RGCC: variants seen among roughly 807,000 people sequenced by gnomAD.
RGCC encodes regulator of cell cycle.
A neutral mutation model predicts 15.4 loss-of-function variants in RGCC; 15 were observed. The ratio of observed to expected loss-of-function variants is 0.97; its 90% confidence interval spans 0.65 to 1.50. RGCC has a LOEUF of 1.50. RGCC is among the 40% of genes most tolerant of loss of function. RGCC has a pLI of 0.00. For missense variants in RGCC, 176 were observed against 189.7 expected (o/e 0.93, Z 0.42); for synonymous variants, 81 against 78.0 (o/e 1.04, Z -0.20).
At chr13:41,469,292 TAATAAG>T (rs1283194440) in intron 4 of RGCC, among the ~76,000 whole-genome samples, 6,572 of 81,574 alleles carry the variant, frequency 0.081, 154 homozygotes, top group Non-Finnish European at 0.11. Context: ...ATAATAATAA[TAATAAG>T]AAGAAGAAGA....
chr13:41,465,121 A>T lies in RGCC; in HGVS notation c.236-1702A>T, dbSNP rs1210529913. On this transcript the variant is annotated intron_variant, in intron 2 of 4. Coordinates refer to ENST00000379359, the MANE Select transcript of RGCC (RefSeq NM_014059.3). ...ACTTAGGCAAATTCCTTTTCAGTTAATGGGACCAAAGAGAGATGTTTTTGC... is the reference window on the plus strand; with the variant it reads ...ACTTAGGCAAATTCCTTTTCAGTTATTGGGACCAAAGAGAGATGTTTTTGC... Among the ~76,000 whole-genome samples, 4 of 152,148 alleles carry T rather than the reference A, an allele frequency of 2.6e-5. No individual in the cohort carries two copies. In the East Asian group the frequency reaches 5.8e-4, roughly 22 times the overall value.
chr13:41,469,450 A>C (rs2043865668), intron 4 of RGCC, among the ~76,000 whole-genome samples: 1 of 152,090 alleles, frequency 6.6e-6, no homozygotes, highest in African/African-American at 2.4e-5. Flanking sequence ...TTGTTTGAGA[A>C]ATGGAGAGCG....
intron 3 of RGCC, among the ~76,000 whole-genome samples, chr13:41,468,083 CA>C (rs2043857538): frequency 6.6e-6 from 1 of 152,158 alleles, no homozygotes; most frequent in African/African-American, 2.4e-5. Context: ...TAGAGAGAAC[CA>C]AATCAGAATG....
At chr13:41,466,014 C>G (rs77513966) in intron 2 of RGCC, among the ~76,000 whole-genome samples, 6,434 of 152,120 alleles carry the variant, frequency 0.042, 159 homozygotes, top group South Asian at 0.098. Flanking sequence ...CCTATCACCC[C>G]CTTCCTGTAT....
chr13:41,463,036 C>T (rs764525649), intron 2 of RGCC, among the ~76,000 whole-genome samples: 1 of 152,192 alleles, frequency 6.6e-6, no homozygotes, highest in Non-Finnish European at 1.5e-5. Context: ...GAGTGCTATT[C>T]TGCACTTTGC....
chr13:41,468,428 C>T (rs2043858668), intron 3 of RGCC, among the ~76,000 whole-genome samples: 1 of 152,204 alleles, frequency 6.6e-6, no homozygotes, highest in African/African-American at 2.4e-5. Context: ...CTCCTGCAAA[C>T]ATTTAAGACA....
chr13:41,470,575 A>G lies in RGCC; in HGVS notation c.*90A>G. On this transcript the variant is annotated 3_prime_UTR_variant, in exon 5 of 5. Coordinates refer to ENST00000379359, the MANE Select transcript of RGCC (RefSeq NM_014059.3). ...AAATCAGCTACTAGAATCTGCTGCC[A>G]GAGGGGACAAAGACGTGCACTCAAC... The G allele has an allele frequency of 7.6e-7, 1 of 1,324,198 alleles. No individual in the cohort carries two copies. Among genetic ancestry groups the G allele is most frequent in the Non-Finnish European group, 1.1e-6 (1 of 916,270 alleles). The allele number at this position is 1,324,198 out of a possible 1,614,324, so 82.0% of individuals were successfully genotyped here. A position where few individuals can be genotyped will look rare whatever the true frequency, so the allele number is the denominator to read the frequency against.
Position 41,468,846 on chromosome 13 carries a change from C to T in RGCC, c.406+8C>T, listed in dbSNP as rs1338297771. ...TTGACAAAACTTTAGCAAGTAAGTACATGTCTGATATTAAAAACAAAAAAA... is the reference window on the plus strand; with the variant it reads ...TTGACAAAACTTTAGCAAGTAAGTATATGTCTGATATTAAAAACAAAAAAA... On this transcript the variant is annotated splice_region_variant and intron_variant, in intron 4 of 4. Transcript: ENST00000379359. 6.3e-7 allele frequency: 1 copy of T among 1,587,498 alleles called. No individual in the cohort carries two copies. Among genetic ancestry groups the T allele is most frequent in the Non-Finnish European group, 8.6e-7 (1 of 1,165,976 alleles).
rs1384489677 is a variant in RGCC, at chr13:41,457,555, G to C, written c.-153G>C. ...TAGGAACCCGAGCCGGTGGTAGGGC[G>C]GGCGCGGACCGTGCTGGGAGCGGCG... is the stretch of plus-strand genomic sequence containing the variant. On this transcript the variant is annotated 5_prime_UTR_variant, in exon 1 of 5. Coordinates refer to ENST00000379359, the MANE Select transcript of RGCC (RefSeq NM_014059.3). This position sits in a 1 kb window ranked among gnomAD's most constrained non-coding sequence, Gnocchi z 4.9. The C allele has an allele frequency of 1.6e-5, 20 of 1,279,826 alleles. No individual in the cohort carries two copies. The highest frequency in any genetic ancestry group is 1.9e-5 in the Non-Finnish European group (19 of 993,024). The allele number at this position is 1,279,826 out of a possible 1,614,324, so 79.3% of individuals were successfully genotyped here. A position where few individuals can be genotyped will look rare whatever the true frequency, so the allele number is the denominator to read the frequency against.
At chr13:41,466,197 ACACT>A (rs200005290) in intron 2 of RGCC, among the ~76,000 whole-genome samples, 3,732 of 130,868 alleles carry the variant, frequency 0.029, 90 homozygotes, top group East Asian at 0.089. Context: ...ACACTCACAC[ACACT>A]CATACACTCA....
At chr13:41,463,335 G>A (rs2043830888) in intron 2 of RGCC, among the ~76,000 whole-genome samples, 1 of 151,880 alleles carries the variant, frequency 6.6e-6, no homozygotes, top group African/African-American at 2.4e-5. Flanking sequence ...GGATGCTGGC[G>A]GTCGGCTTCT....
At chr13:41,459,060 G>A (rs2043808385) in intron 2 of RGCC, among the ~76,000 whole-genome samples, 1 of 152,166 alleles carries the variant, frequency 6.6e-6, no homozygotes, top group Non-Finnish European at 1.5e-5. Context: ...CCTCCACCAG[G>A]CTGGAGGGGG....
intron 2 of RGCC, among the ~76,000 whole-genome samples, chr13:41,464,479 G>A (rs578136361): frequency 6.6e-6 from 1 of 152,256 alleles, no homozygotes; most frequent in East Asian, 1.9e-4. Flanking sequence ...GCTCGGTTGA[G>A]GGAGCCAGCA....
At position 41,466,329 on chromosome 13, in the gene RGCC, T is replaced by C. The variant is rs946454853; in HGVS notation, c.236-494T>C. Among the ~76,000 whole-genome samples, 17 of 151,862 alleles carry C rather than the reference T, an allele frequency of 1.1e-4. No individual in the cohort carries two copies. In the South Asian group the frequency reaches 3.5e-3, roughly 32 times the overall value. On this transcript the variant is annotated intron_variant, in intron 2 of 4. Transcript: ENST00000379359. Reference sequence around the variant, plus strand: ...TTCTCTCTCACACACACACACTCCCTCTCTCCCCTGTCTCGAATCATTTTG... The same window carrying C: ...TTCTCTCTCACACACACACACTCCCCCTCTCCCCTGTCTCGAATCATTTTG...
At position 41,468,850 on chromosome 13, in the gene RGCC, T is replaced by G. The variant is rs771054003; in HGVS notation, c.406+12T>G. 1.9e-6 allele frequency: 3 copies of G among 1,584,340 alleles called. No homozygotes were observed. Among genetic ancestry groups the G allele is most frequent in the Non-Finnish European group, 2.6e-6 (3 of 1,164,740 alleles). ...CAAAACTTTAGCAAGTAAGTACATG[T>G]CTGATATTAAAAACAAAAAAACAAA... is the stretch of plus-strand genomic sequence containing the variant. On this transcript the variant is annotated intron_variant, in intron 4 of 4. Coordinates refer to ENST00000379359, the MANE Select transcript of RGCC (RefSeq NM_014059.3).
chr13:41,468,900 G>A, intron 4 of RGCC, 62 bp downstream of exon 4: 1 of 1,241,526 alleles, frequency 8.1e-7, no homozygotes, highest in East Asian at 2.3e-5. Context: ...TTCTGATAAA[G>A]TGTTGTAATG....
Position 41,466,933 on chromosome 13 carries a change from A to G in RGCC, c.343+3A>G. On this transcript the variant is annotated splice_donor_region_variant and intron_variant, in intron 3 of 4. Transcript: ENST00000379359. ...TGCCACTGTCACTCCTCAGAAAGGT[A>G]AGGTCATTAGTTGGAATTTGAGTTT... 1.9e-6 allele frequency: 3 copies of G among 1,603,634 alleles called. No homozygotes were observed. The highest frequency in any genetic ancestry group is 2.6e-6 in the Non-Finnish European group (3 of 1,170,502).
intron 2 of RGCC, among the ~76,000 whole-genome samples, chr13:41,464,433 C>A (rs1406212878): frequency 6.6e-6 from 1 of 151,940 alleles, no homozygotes; most frequent in Non-Finnish European, 1.5e-5. Context: ...AAAGGGCTTC[C>A]CTTGGGAGAA....
chr13:41,462,708 T>C (rs2043827834), intron 2 of RGCC, among the ~76,000 whole-genome samples: 1 of 152,218 alleles, frequency 6.6e-6, no homozygotes, highest in African/African-American at 2.4e-5. Context: ...ACTAACTGGC[T>C]ATTACTTTTG....
Sources: gnomAD v4.1 joint callset for allele counts (sites outside exome capture counted in the v4.1 genomes callset) on GRCh38, gnomAD v4.1.1 for gene constraint, Gnocchi (gnomAD v3.1) non-coding constraint, MANE v1.5 for transcripts, NCBI Gene and HGNC (gene_info 2026-07-23, HGNC 2026-07-21) for gene names.